PCDH11Y: variants seen among roughly 807,000 people sequenced by gnomAD.
PCDH11Y encodes the protein protocadherin-11 Y-linked.
For synonymous variants in PCDH11Y, 9 were observed against 83.6 expected, an observed-to-expected ratio of 0.11 and a Z score of 4.87; for missense variants, 12 against 224.8, an observed-to-expected ratio of 0.05 and a Z score of 6.05.
At chrY:5,029,662 T>C in intron 1 of PCDH11Y, among the ~76,000 whole-genome samples, 2 of 27,596 alleles carry the variant, frequency 7.2e-5, no homozygotes, top group Admixed American at 3.5e-4. Flanking sequence ...CAGTGGCTCA[T>C]GCTTGTAATC....
chrY:5,583,328 G>GT (rs2053452393), intron 4 of PCDH11Y, among the ~76,000 whole-genome samples: 8 of 30,690 alleles, frequency 2.6e-4, no homozygotes, highest in Non-Finnish European at 3.2e-4. Flanking sequence ...CTCCAATGTA[G>GT]TTTTTTTTTG....
At chrY:5,102,462 TA>T (rs2052781255), downstream of PCDH11Y, among the ~76,000 whole-genome samples, 1 of 33,029 alleles carries the variant, frequency 3.0e-5, no homozygotes, top group African/African-American at 1.2e-4. Context: ...ATTACGTATG[TA>T]GATCATCATT....
At chrY:5,699,012 T>A in intron 4 of PCDH11Y, among the ~76,000 whole-genome samples, 1 of 33,228 alleles carries the variant, frequency 3.0e-5, no homozygotes, top group Non-Finnish European at 7.4e-5. Flanking sequence ...CTTTTGTTGA[T>A]GTTGCTGCTT....
chrY:5,555,004 CACAA>C (rs2053422231), intron 3 of PCDH11Y, among the ~76,000 whole-genome samples: 2 of 31,770 alleles, frequency 6.3e-5, no homozygotes, highest in Non-Finnish European at 1.5e-4. Context: ...CTGGAAAAGC[CACAA>C]ACACTCAACA....
intron 2 of PCDH11Y, among the ~76,000 whole-genome samples, chrY:5,457,311 G>A: frequency 3.0e-5 from 1 of 33,719 alleles, no homozygotes; most frequent in Non-Finnish European, 7.4e-5. Flanking sequence ...CACCAAAGCT[G>A]TTTGGAAGGC....
intron 2 of PCDH11Y, among the ~76,000 whole-genome samples, chrY:5,194,432 CA>C (rs1444727257): frequency 5.8e-3 from 27 of 4,625 alleles, no homozygotes; most frequent in African/African-American, 0.022. Flanking sequence ...ACCCTTGTCT[CA>C]AAAAAAAAAA....
chrY:5,321,347 G>GATC (rs2053112514), intron 2 of PCDH11Y, among the ~76,000 whole-genome samples: 1 of 32,756 alleles, frequency 3.1e-5, no homozygotes, highest in Non-Finnish European at 7.5e-5. Flanking sequence ...TCTCCCACTG[G>GATC]ATCACTCCCA....
chrY:5,704,440 T>C (rs2053581076), intron 4 of PCDH11Y, among the ~76,000 whole-genome samples: 1 of 28,924 alleles, frequency 3.5e-5, no homozygotes, highest in East Asian at 8.9e-4. Flanking sequence ...TTTCTTTTTT[T>C]TTTTTTTTGG....
chrY:5,438,532 A>G, intron 2 of PCDH11Y, among the ~76,000 whole-genome samples: 1 of 33,355 alleles, frequency 3.0e-5, no homozygotes, highest in East Asian at 7.9e-4. Context: ...ATCTGACTTC[A>G]TAGATCAGAT....
intron 2 of PCDH11Y, among the ~76,000 whole-genome samples, chrY:5,327,594 C>T: frequency 3.1e-5 from 1 of 32,073 alleles, no homozygotes; most frequent in African/African-American, 1.2e-4. Context: ...GGCATGTGAT[C>T]GGTTGCCAGG....
chrY:5,316,832 A>G, intron 2 of PCDH11Y, among the ~76,000 whole-genome samples: 1 of 33,034 alleles, frequency 3.0e-5, no homozygotes, highest in Admixed American at 2.8e-4. Flanking sequence ...AGGAACTGCA[A>G]TTTATATCTT....
intron 2 of PCDH11Y, among the ~76,000 whole-genome samples, chrY:5,233,717 C>T: frequency 9.2e-5 from 3 of 32,644 alleles, no homozygotes; most frequent in Admixed American, 2.8e-4. Context: ...GTTATGATTG[C>T]GTTTCCTTTC....
At chrY:5,647,348 G>A in intron 4 of PCDH11Y, among the ~76,000 whole-genome samples, 2 of 33,010 alleles carry the variant, frequency 6.1e-5, no homozygotes, top group African/African-American at 2.4e-4. Flanking sequence ...AAGAATTTGC[G>A]TCATTTTTCT....
chrY:5,543,235 A>C, intron 3 of PCDH11Y, among the ~76,000 whole-genome samples: 2 of 34,210 alleles, frequency 5.8e-5, no homozygotes, highest in African/African-American at 2.3e-4. Context: ...TATCCTTTAA[A>C]TAACATTTTA....
intron 3 of PCDH11Y, among the ~76,000 whole-genome samples, chrY:5,558,333 T>C (rs2053425079): frequency 5.7e-5 from 1 of 17,651 alleles, no homozygotes; most frequent in Non-Finnish European, 1.1e-4. Context: ...GCTTTTTTTT[T>C]TTTTTTTCTT....
At chrY:5,245,184 G>C in intron 2 of PCDH11Y, among the ~76,000 whole-genome samples, 1 of 33,116 alleles carries the variant, frequency 3.0e-5, no homozygotes, top group Non-Finnish European at 7.5e-5. Flanking sequence ...TGCTAGTTCT[G>C]AGAAATCTGG....
At chrY:5,576,019 T>C in intron 3 of PCDH11Y, among the ~76,000 whole-genome samples, 1 of 33,449 alleles carries the variant, frequency 3.0e-5, no homozygotes, top group Non-Finnish European at 7.4e-5. Context: ...AGGCATATTT[T>C]AGAAATACTG....
At chrY:5,562,598 A>T (rs1602943547) in intron 3 of PCDH11Y, among the ~76,000 whole-genome samples, 1 of 27,530 alleles carries the variant, frequency 3.6e-5, no homozygotes, top group South Asian at 9.0e-4. Context: ...CGTCTCTACT[A>T]AAAATACAAA....
At chrY:5,031,660 A>AT (rs2052590438) in intron 1 of PCDH11Y, among the ~76,000 whole-genome samples, 2 of 32,282 alleles carry the variant, frequency 6.2e-5, no homozygotes, top group Admixed American at 5.6e-4. Flanking sequence ...AGTATCAGGG[A>AT]TTTTTTGTTT....
Sources: allele counts gnomAD v4.1 joint callset (sites outside exome capture counted in the v4.1 genomes callset), GRCh38; gene constraint gnomAD v4.1.1; transcripts MANE v1.5; gene names NCBI Gene and HGNC (gene_info 2026-07-23, HGNC 2026-07-21).